The following LRP1B variants were observed in gnomAD, a reference collection of about 807,000 sequenced individuals.
LRP1B encodes the protein LDL receptor related protein 1B.
Under a neutral mutation model 556.6 loss-of-function variants are expected in LRP1B, and 217 were observed. The ratio of observed to expected loss-of-function variants is 0.39; its 90% CI spans 0.35 to 0.44. LRP1B has a LOEUF of 0.44. Among genes scored for constraint, LRP1B ranks in the 20% least tolerant of loss-of-function variants. LRP1B has a pLI of 1.00. For synonymous variants in LRP1B, 2,047 were observed against 1,865.8 expected, an observed-to-expected ratio of 1.10 and a Z score of -2.50; for missense variants, 5,053 against 5,620.8, an observed-to-expected ratio of 0.90 and a Z score of 3.23.
intron 1 of LRP1B, among the ~76,000 whole-genome samples, chr2:141,929,454 A>AT (rs66899966): frequency 0.062 from 9,388 of 151,324 alleles, 965 homozygotes; most frequent in African/African-American, 0.22. Flanking sequence ...CATGCAAATG[A>AT]TTTTTTTTTC....
At chr2:142,109,221 C>T (rs529259553) in intron 1 of LRP1B, among the ~76,000 whole-genome samples, 1 of 152,172 alleles carries the variant, frequency 6.6e-6, no homozygotes, top group Admixed American at 6.5e-5. Context: ...ACCTTATAAA[C>T]ATTATGGACC....
intron 14 of LRP1B, among the ~76,000 whole-genome samples, chr2:141,010,309 A>T: frequency 6.6e-6 from 1 of 152,128 alleles, no homozygotes; most frequent in South Asian, 2.1e-4. Context: ...AAGCTTTAAA[A>T]CTTGTTCTAG....
intron 41 of LRP1B, among the ~76,000 whole-genome samples, chr2:140,646,708 T>A (rs1031548364): frequency 2.6e-5 from 4 of 152,278 alleles, no homozygotes; most frequent in Admixed American, 2.6e-4. Flanking sequence ...GTATTTTATA[T>A]AATCTAGATC....
intron 43 of LRP1B, among the ~76,000 whole-genome samples, chr2:140,588,377 T>C (rs62171945): frequency 0.044 from 6,753 of 152,234 alleles, 230 homozygotes; most frequent in Non-Finnish European, 0.065. Context: ...TGATAAGTAA[T>C]GAATATATAC....
In LRP1B at chr2:140,645,773, C is replaced by T. The variant is rs1041418357; in HGVS notation, c.6800-44134G>A. Among the ~76,000 whole-genome samples the T allele has an allele frequency of 1.1e-3, 165 of 151,688 alleles. 1 individual carries two copies. Among genetic ancestry groups the T allele is most frequent in the African/African-American group, 3.8e-3 (156 of 41,420 alleles). ...CAGGATGGTCTTGATCTCCTGAACT[C>T]GTGATCCGCCCGCCTCGGCCTCCCA... On this transcript the variant is annotated intron_variant, in intron 41 of 90. Transcript: ENST00000389484.
intron 7 of LRP1B, among the ~76,000 whole-genome samples, chr2:141,062,565 C>A (rs141578459): frequency 6.6e-5 from 10 of 151,862 alleles, no homozygotes; most frequent in Non-Finnish European, 1.0e-4. Context: ...CCTCATGGAG[C>A]TGAAGCACAT....
intron 41 of LRP1B, among the ~76,000 whole-genome samples, chr2:140,687,174 T>C (rs1209468646): frequency 6.6e-6 from 1 of 151,860 alleles, no homozygotes; most frequent in East Asian, 1.9e-4. Flanking sequence ...AGAGGAAAAG[T>C]AGAAGGAAGA....
intron 1 of LRP1B, among the ~76,000 whole-genome samples, chr2:141,937,667 A>T (rs1255254065): frequency 5.2e-5 from 7 of 133,632 alleles, no homozygotes; most frequent in Non-Finnish European, 1.1e-4. Flanking sequence ...CACCTAAATT[A>T]AAAAAAAAAA....
rs1383595073 is a variant in LRP1B at position 141,981,208 on chromosome 2, A to C, written c.82+149440T>G. ...ACTATGTATCATAGGACTGACAGATACTAGTAAGAGAATCAAACAAGGCCA... is the reference window on the plus strand; with the variant it reads ...ACTATGTATCATAGGACTGACAGATCCTAGTAAGAGAATCAAACAAGGCCA... On this transcript the variant is annotated intron_variant, in intron 1 of 90. Transcript: ENST00000389484. Among the ~76,000 whole-genome samples the C allele has an allele frequency of 2.0e-5, 3 of 152,098 alleles. No homozygotes were observed. The East Asian group carries it at 5.8e-4, about 29-fold the overall frequency.
At chr2:141,735,520 G>C (rs149673555) in intron 2 of LRP1B, among the ~76,000 whole-genome samples, 1 of 139,048 alleles carries the variant, frequency 7.2e-6, no homozygotes, top group Non-Finnish European at 1.5e-5. Context: ...TTTTGGGAGG[G>C]GGGAGGGATA....
intron 2 of LRP1B, among the ~76,000 whole-genome samples, chr2:141,694,290 A>G (rs1482073638): frequency 1.3e-5 from 2 of 152,058 alleles, no homozygotes; most frequent in Non-Finnish European, 2.9e-5. Flanking sequence ...CAGAAGTCAG[A>G]TAAATGAAAG....
At chr2:141,519,786 C>A (rs116426751) in intron 2 of LRP1B, among the ~76,000 whole-genome samples, 15 of 152,002 alleles carry the variant, frequency 9.9e-5, no homozygotes, top group Admixed American at 9.8e-4. Context: ...AAAAAGCGTT[C>A]TTTCTTGCCA....
chr2:141,497,556 AAGGTCC>A (rs1264183436), intron 2 of LRP1B, among the ~76,000 whole-genome samples: 2 of 151,946 alleles, frequency 1.3e-5, no homozygotes, highest in African/African-American at 4.8e-5. Context: ...AACAGGAAGG[AAGGTCC>A]AGGATAAAGA....
chr2:142,054,355 C>G (rs1475919195), intron 1 of LRP1B, among the ~76,000 whole-genome samples: 2 of 151,950 alleles, frequency 1.3e-5, no homozygotes, highest in Admixed American at 6.6e-5. Flanking sequence ...TTAAGATTCC[C>G]CTACATGTTG....
At chr2:141,414,572 G>A (rs988867097) in intron 3 of LRP1B, among the ~76,000 whole-genome samples, 1 of 152,180 alleles carries the variant, frequency 6.6e-6, no homozygotes, top group Non-Finnish European at 1.5e-5. Context: ...TGCCCATAGT[G>A]CAGGCATGAT....
At chr2:140,391,854 A>T (rs1198423302) in intron 66 of LRP1B, among the ~76,000 whole-genome samples, 1 of 152,194 alleles carries the variant, frequency 6.6e-6, no homozygotes, top group Non-Finnish European at 1.5e-5. Context: ...CATAATTAAA[A>T]TGAAACAGAA....
At chr2:140,709,256 T>C (rs1686946278) in intron 37 of LRP1B, among the ~76,000 whole-genome samples, 1 of 152,100 alleles carries the variant, frequency 6.6e-6, no homozygotes, top group Non-Finnish European at 1.5e-5. Flanking sequence ...AGTTAGAGAT[T>C]ATATACCATG....
intron 60 of LRP1B, among the ~76,000 whole-genome samples, chr2:140,459,281 A>T (rs1687222636): frequency 6.6e-6 from 1 of 152,198 alleles, no homozygotes; most frequent in South Asian, 2.1e-4. Flanking sequence ...TTAATAATTA[A>T]TTGAATCTTG....
intron 2 of LRP1B, among the ~76,000 whole-genome samples, chr2:141,738,366 C>A (rs1026489907): frequency 1.3e-5 from 2 of 152,108 alleles, no homozygotes; most frequent in Non-Finnish European, 2.9e-5. Context: ...TTGTAAGACA[C>A]ACACATACAC....
Sources: allele counts gnomAD v4.1 joint callset (sites outside exome capture counted in the v4.1 genomes callset), GRCh38; gene constraint gnomAD v4.1.1; transcripts MANE v1.5; gene names NCBI Gene and HGNC (gene_info 2026-07-23, HGNC 2026-07-21).